The following EIF4G3 variants were observed in gnomAD, a reference collection of about 807,000 sequenced individuals.
The protein encoded by EIF4G3 is eukaryotic translation initiation factor 4 gamma 3.
A neutral mutation model predicts 186.4 loss-of-function variants in EIF4G3; 34 were observed. The observed-to-expected ratio is 0.18, with a 90% CI of 0.14 to 0.24. The LOEUF (loss-of-function observed/expected upper bound fraction) is 0.24, where lower values mean the gene tolerates loss of function less well. EIF4G3 is among the 10% of genes least tolerant of loss of function. The pLI is 1.00. For missense variants in EIF4G3, 1,536 were observed against 1,948.5 expected (o/e 0.79, Z 3.99); for synonymous variants, 673 against 679.5 (o/e 0.99, Z 0.15).
At position 21,007,899 on chromosome 1, in the gene EIF4G3, A is replaced by G. The variant is rs528230408; in HGVS notation, c.-66-5091T>C. ...GTTTTATTTTATATACTTCTGTATT[A>G]TGTTTTTACTTTCCAATGTTCAGTA... On this transcript the variant is annotated intron_variant, in intron 4 of 36. Coordinates refer to ENST00000602326, the MANE Select transcript of EIF4G3 (RefSeq NM_001391906.1). Among the ~76,000 whole-genome samples, 21 of 152,280 alleles carry G rather than the reference A, an allele frequency of 1.4e-4. No homozygotes were observed. The South Asian group carries it at 4.3e-3, about 32-fold the overall frequency.
chr1:20,925,989 C>G (rs775660833), intron 14 of EIF4G3, among the ~76,000 whole-genome samples: 11 of 152,164 alleles, frequency 7.2e-5, no homozygotes, highest in Admixed American at 2.6e-4. Flanking sequence ...TCAGGGTGAG[C>G]ACATTTGACT....
At chr1:21,037,187 GT>G (rs2093274494) in intron 4 of EIF4G3, among the ~76,000 whole-genome samples, 2 of 149,620 alleles carry the variant, frequency 1.3e-5, no homozygotes, top group Non-Finnish European at 3.0e-5. Flanking sequence ...GCTTGTACTG[GT>G]AAACTTTTAC....
At chr1:20,883,600 G>C (rs1459774879) in intron 19 of EIF4G3, among the ~76,000 whole-genome samples, 1 of 151,342 alleles carries the variant, frequency 6.6e-6, no homozygotes, top group Non-Finnish European at 1.5e-5. Flanking sequence ...CTGGGTGACA[G>C]AGCGAGAGCG....
intron 36 of EIF4G3, among the ~76,000 whole-genome samples, chr1:20,808,056 G>C (rs1170660460): frequency 6.6e-6 from 1 of 151,768 alleles, no homozygotes; most frequent in African/African-American, 2.4e-5. Flanking sequence ...GCTAATTTTT[G>C]TATTTTAAGT....
intron 3 of EIF4G3, among the ~76,000 whole-genome samples, chr1:21,067,131 CTT>C: frequency 8.2e-6 from 1 of 122,648 alleles, no homozygotes; most frequent in Admixed American, 8.9e-5. Context: ...TTTTTCTTTT[CTT>C]TTTTTTTTTT....
chr1:20,916,851 T>A (rs1434922747), intron 14 of EIF4G3, among the ~76,000 whole-genome samples: 1 of 152,184 alleles, frequency 6.6e-6, no homozygotes, highest in Non-Finnish European at 1.5e-5. Flanking sequence ...CAAAGGAGAT[T>A]TAGCAGAAAC....
chr1:21,009,710 A>T (rs1208554032), intron 4 of EIF4G3, among the ~76,000 whole-genome samples: 4 of 151,938 alleles, frequency 2.6e-5, no homozygotes, highest in Non-Finnish European at 1.5e-5. Context: ...GCTGGAGTGC[A>T]GTGGCACGAT....
intron 2 of EIF4G3, among the ~76,000 whole-genome samples, chr1:21,100,947 A>G (rs760539837): frequency 2.6e-4 from 40 of 152,240 alleles, no homozygotes; most frequent in Non-Finnish European, 5.1e-4. Context: ...GCTTTTTGAC[A>G]CTACTCCTGA....
intron 12 of EIF4G3, among the ~76,000 whole-genome samples, chr1:20,966,918 G>A (rs1014408146): frequency 6.6e-6 from 1 of 152,092 alleles, no homozygotes; most frequent in African/African-American, 2.4e-5. Context: ...CATGCATTTG[G>A]ATTTAAAAGC....
intron 14 of EIF4G3, among the ~76,000 whole-genome samples, chr1:20,937,885 C>T (rs16824858): frequency 0.037 from 5,695 of 152,146 alleles, 136 homozygotes; most frequent in African/African-American, 0.077. Context: ...ACTAAAGTGA[C>T]GGTGATATTA....
chr1:21,157,088 T>C (rs1448885258), intron 2 of EIF4G3, among the ~76,000 whole-genome samples: 1 of 152,154 alleles, frequency 6.6e-6, no homozygotes, highest in Admixed American at 6.6e-5. Flanking sequence ...TAATAAATTA[T>C]ACAGTTAGAT....
At chr1:20,912,349 C>T (rs911195625) in intron 14 of EIF4G3, among the ~76,000 whole-genome samples, 11 of 152,140 alleles carry the variant, frequency 7.2e-5, no homozygotes, top group African/African-American at 2.2e-4. Context: ...TCTGGGTTGG[C>T]CTGAAGCGCC....
chr1:21,152,173 T>C lies in EIF4G3; in HGVS notation c.-272+24002A>G, dbSNP rs1413140227. On this transcript the variant is annotated intron_variant, in intron 2 of 36. Transcript: ENST00000602326. ...GCTCAGAAGTACACTATACATTCCA[T>C]CACAGAAATTCCTTTGGGCCAGGCA... Among the ~76,000 whole-genome samples the C allele has an allele frequency of 2.0e-5, 3 of 151,946 alleles. No homozygotes were observed. In the East Asian group the frequency reaches 5.8e-4, roughly 29 times the overall value.
At chr1:21,055,410 T>C (rs1215402474) in intron 3 of EIF4G3, among the ~76,000 whole-genome samples, 4 of 152,154 alleles carry the variant, frequency 2.6e-5, no homozygotes, top group East Asian at 3.8e-4. Flanking sequence ...AATTAAATCA[T>C]AGTAAATTTT....
intron 2 of EIF4G3, among the ~76,000 whole-genome samples, chr1:21,150,836 C>T (rs1197079529): frequency 2.6e-5 from 4 of 151,992 alleles, no homozygotes; most frequent in Non-Finnish European, 4.4e-5. Flanking sequence ...ATTAGCTGGG[C>T]ATGGTGGCAC....
intron 2 of EIF4G3, among the ~76,000 whole-genome samples, chr1:21,162,611 T>C (rs2097785434): frequency 6.6e-6 from 1 of 152,002 alleles, no homozygotes; most frequent in African/African-American, 2.4e-5. Context: ...AGTGTGGTGG[T>C]GCACACCTGT....
At chr1:21,001,770 C>T (rs1010376850) in intron 5 of EIF4G3, among the ~76,000 whole-genome samples, 1 of 152,194 alleles carries the variant, frequency 6.6e-6, no homozygotes, top group Admixed American at 6.5e-5. Context: ...AAAGAGATTA[C>T]ATTTTGGTGC....
chr1:20,846,675 C>T (rs931764382), intron 29 of EIF4G3, among the ~76,000 whole-genome samples: 1 of 152,080 alleles, frequency 6.6e-6, no homozygotes, highest in Non-Finnish European at 1.5e-5. Context: ...ATATGGTATA[C>T]CCAGTCATAA....
intron 2 of EIF4G3, among the ~76,000 whole-genome samples, chr1:21,166,184 T>G (rs1446388763): frequency 6.6e-6 from 1 of 150,764 alleles, no homozygotes; most frequent in Non-Finnish European, 1.5e-5. Flanking sequence ...CCCGGCACTT[T>G]GGTAGGCCAA....
Sources: gnomAD v4.1 joint callset for allele counts (sites outside exome capture counted in the v4.1 genomes callset) on GRCh38, gnomAD v4.1.1 for gene constraint, MANE v1.5 for transcripts, NCBI Gene and HGNC (gene_info 2026-07-23, HGNC 2026-07-21) for gene names.